Variants in SUCLG2 observed in about 807,000 individuals in gnomAD.
SUCLG2 encodes succinate-CoA ligase GDP-forming subunit beta.
A neutral mutation model predicts 47.9 loss-of-function variants in SUCLG2; 42 were observed. The ratio of observed to expected loss-of-function variants is 0.88; its 90% CI spans 0.69 to 1.14. The LOEUF is 1.14. SUCLG2 is among the 50% of genes most tolerant of loss of function. The probability of loss-of-function intolerance (pLI) is 0.00; values close to 1 mark genes in which losing one functional copy is unlikely to be tolerated. For missense variants in SUCLG2, 571 were observed against 525.9 expected (o/e 1.09, Z -0.84); for synonymous variants, 195 against 197.3 (o/e 0.99, Z 0.10).
At chr3:67,384,084 T>C (rs891887305) in intron 10 of SUCLG2, among the ~76,000 whole-genome samples, 10 of 152,208 alleles carry the variant, frequency 6.6e-5, no homozygotes, top group South Asian at 2.1e-4. Context: ...CCACCATTAC[T>C]GCCTAGGACA....
chr3:67,576,385 A>G (rs1361229536), intron 2 of SUCLG2, among the ~76,000 whole-genome samples: 1 of 152,128 alleles, frequency 6.6e-6, no homozygotes, highest in Non-Finnish European at 1.5e-5. Context: ...CCAGTAAACA[A>G]TTGGTCCAAG....
chr3:67,584,857 T>C (rs1250751975), intron 2 of SUCLG2, among the ~76,000 whole-genome samples: 3 of 152,080 alleles, frequency 2.0e-5, no homozygotes, highest in Non-Finnish European at 4.4e-5. Context: ...TCATGCGAAC[T>C]CACTCACTAT....
chr3:67,568,297 C>T (rs1707518229), intron 2 of SUCLG2, among the ~76,000 whole-genome samples: 1 of 152,040 alleles, frequency 6.6e-6, no homozygotes, highest in Non-Finnish European at 1.5e-5. Context: ...CTGGCTACAA[C>T]ACTGAAGGGA....
intron 2 of SUCLG2, among the ~76,000 whole-genome samples, chr3:67,590,726 A>T (rs1708137392): frequency 6.6e-6 from 1 of 152,298 alleles, no homozygotes; most frequent in East Asian, 1.9e-4. Flanking sequence ...TTCTGTATAA[A>T]TTACCCAGCC....
intron 9 of SUCLG2, among the ~76,000 whole-genome samples, chr3:67,474,159 C>G (rs1704683294): frequency 6.6e-6 from 1 of 151,910 alleles, no homozygotes; most frequent in African/African-American, 2.4e-5. Flanking sequence ...ACTCAGGAGG[C>G]TGAGGCAGGA....
Position 67,495,208 on chromosome 3 carries a change from A to T in SUCLG2, c.1062+590T>A, listed in dbSNP as rs1274726066. Reference sequence around the variant, plus strand: ...AGTCACTTCTGTGTAAATTACCCAAATAAAGTTCATGCCAACCAATGTTTC... The same window carrying T: ...AGTCACTTCTGTGTAAATTACCCAATTAAAGTTCATGCCAACCAATGTTTC... On this transcript the variant is annotated intron_variant, in intron 9 of 10. Transcript: ENST00000307227. Among the ~76,000 whole-genome samples the T allele has an allele frequency of 2.0e-5, 3 of 152,186 alleles. No individual in the cohort carries two copies. In the East Asian group the frequency reaches 5.8e-4, roughly 29 times the overall value.
At chr3:67,373,611 C>T (rs561449539), downstream of SUCLG2, among the ~76,000 whole-genome samples, 33 of 152,056 alleles carry the variant, frequency 2.2e-4, no homozygotes, top group Non-Finnish European at 4.6e-4. Context: ...GGGCCAGATT[C>T]AGGAATAGGT....
At chr3:67,447,685 A>T (rs1703958185) in intron 9 of SUCLG2, among the ~76,000 whole-genome samples, 1 of 152,240 alleles carries the variant, frequency 6.6e-6, no homozygotes, top group African/African-American at 2.4e-5. Context: ...GTTCATAAAA[A>T]CTTGAAAAAA....
chr3:67,582,925 C>T (rs573381872), intron 2 of SUCLG2, among the ~76,000 whole-genome samples: 6 of 152,270 alleles, frequency 3.9e-5, no homozygotes, highest in African/African-American at 1.4e-4. Context: ...AGGCAACTCT[C>T]AGTCTATTCA....
chr3:67,615,710 C>T (rs1306840733), intron 1 of SUCLG2, among the ~76,000 whole-genome samples: 1 of 151,094 alleles, frequency 6.6e-6, no homozygotes, highest in African/African-American at 2.4e-5. Flanking sequence ...AGATACTATC[C>T]TTACAACAGA....
chr3:67,505,242 G>C (rs1323216800), intron 7 of SUCLG2, among the ~76,000 whole-genome samples: 3 of 152,152 alleles, frequency 2.0e-5, no homozygotes, highest in African/African-American at 7.2e-5. Flanking sequence ...AGCCAATTTG[G>C]AGGCAAGCAG....
At chr3:67,465,176 A>G (rs1019492501) in intron 9 of SUCLG2, among the ~76,000 whole-genome samples, 2 of 152,148 alleles carry the variant, frequency 1.3e-5, no homozygotes, top group African/African-American at 2.4e-5. Flanking sequence ...TTCCTTTTCC[A>G]CAATGCGTAC....
At chr3:67,511,101 A>G (rs1445145323) in intron 6 of SUCLG2, among the ~76,000 whole-genome samples, 10 of 151,780 alleles carry the variant, frequency 6.6e-5, no homozygotes, top group Admixed American at 4.6e-4. Flanking sequence ...GTTGGCCAGG[A>G]TGGTCTCAAT....
At chr3:67,360,733 T>C in exon 11 of SUCLG2, 1 of 1,532,274 alleles carries the variant, frequency 6.5e-7, no homozygotes, top group Non-Finnish European at 8.7e-7. Flanking sequence ...TCTTGTTTTA[T>C]GTGCATATAA....
intron 9 of SUCLG2, among the ~76,000 whole-genome samples, chr3:67,402,005 T>C (rs1164080050): frequency 6.6e-6 from 1 of 152,216 alleles, no homozygotes; most frequent in African/African-American, 2.4e-5. Context: ...ATCGGGCGCA[T>C]TGGGGCATGT....
At chr3:67,453,192 T>C (rs1253690296) in intron 9 of SUCLG2, among the ~76,000 whole-genome samples, 3 of 151,540 alleles carry the variant, frequency 2.0e-5, no homozygotes, top group African/African-American at 4.9e-5. Context: ...AGGAATAATA[T>C]GAAGAAAATT....
intron 10 of SUCLG2, among the ~76,000 whole-genome samples, chr3:67,398,313 C>G (rs1363552331): frequency 3.3e-5 from 5 of 150,626 alleles, no homozygotes; most frequent in African/African-American, 4.9e-5. Flanking sequence ...TGAACTCAAA[C>G]AAATTTACAA....
At chr3:67,565,292 TAG>T (rs1232793665) in intron 2 of SUCLG2, among the ~76,000 whole-genome samples, 1 of 152,218 alleles carries the variant, frequency 6.6e-6, no homozygotes, top group Non-Finnish European at 1.5e-5. Flanking sequence ...CTGATTTATA[TAG>T]AGTTAGTAAT....
intron 2 of SUCLG2, among the ~76,000 whole-genome samples, chr3:67,581,556 T>A (rs1017956218): frequency 6.6e-6 from 1 of 152,246 alleles, no homozygotes; most frequent in East Asian, 1.9e-4. Flanking sequence ...CACTTTCCTG[T>A]TGCAAGTTCT....
Sources: gnomAD v4.1 joint callset for allele counts (sites outside exome capture counted in the v4.1 genomes callset) on GRCh38, gnomAD v4.1.1 for gene constraint, MANE v1.5 for transcripts, NCBI Gene and HGNC (gene_info 2026-07-23, HGNC 2026-07-21) for gene names.